RCAN1: variants seen among roughly 807,000 people sequenced by gnomAD.
The protein encoded by RCAN1 is regulator of calcineurin 1.
A neutral mutation model predicts 22.9 loss-of-function variants in RCAN1; 11 were observed. The ratio of observed to expected loss-of-function variants is 0.48; its 90% CI spans 0.30 to 0.79. The LOEUF is 0.79. RCAN1 is among the 30% of genes least tolerant of loss of function. The probability of loss-of-function intolerance (pLI) is 0.06; values close to 1 mark genes in which losing one functional copy is unlikely to be tolerated. For synonymous variants in RCAN1, 136 were observed against 142.3 expected (o/e 0.96, Z 0.32); for missense variants, 291 against 337.8 (o/e 0.86, Z 1.09).
At chr21:34,521,982 T>C (rs145451213) in intron 2 of RCAN1, 215 of 255,416 alleles carry the variant, frequency 8.4e-4, no homozygotes, top group African/African-American at 4.8e-3. Flanking sequence ...TAAGTCACTG[T>C]CATTGAGGTC....
At chr21:34,605,472 A>C (rs1309247154) in intron 1 of RCAN1, among the ~76,000 whole-genome samples, 1 of 152,228 alleles carries the variant, frequency 6.6e-6, no homozygotes, top group East Asian at 1.9e-4. Flanking sequence ...ACCCTAATAT[A>C]ATATAAATAC....
At chr21:34,581,555 C>T (rs1987609306) in intron 1 of RCAN1, among the ~76,000 whole-genome samples, 1 of 152,110 alleles carries the variant, frequency 6.6e-6, no homozygotes, top group Non-Finnish European at 1.5e-5. Flanking sequence ...CAGAATAAAT[C>T]CCCTGCTCCA....
intron 1 of RCAN1, among the ~76,000 whole-genome samples, chr21:34,593,220 T>C (rs1988029193): frequency 1.3e-5 from 2 of 152,188 alleles, no homozygotes; most frequent in Non-Finnish European, 2.9e-5. Flanking sequence ...AGGGGAACAC[T>C]ATAGTGAAGC....
intron 1 of RCAN1, among the ~76,000 whole-genome samples, chr21:34,551,369 C>T (rs1986359908): frequency 6.6e-6 from 1 of 152,204 alleles, no homozygotes. Flanking sequence ...CCCTGAATCA[C>T]ATTTCCTAAA....
rs66502672 is a variant in RCAN1 at position 34,528,955 on chromosome 21, G to GA, written c.253-5246dup. ...CAATTTTGATTTCGTTATATGGATG[G>GA]AAAAAAAAAAAAAGAACGGTGAGGT... On this transcript the variant is annotated intron_variant, in intron 1 of 3. Coordinates refer to ENST00000313806, the MANE Select transcript of RCAN1 (RefSeq NM_004414.7). Among the ~76,000 whole-genome samples, 522 of 144,996 alleles carry GA rather than the reference G, an allele frequency of 3.6e-3. 4 individuals are homozygous for GA. The highest frequency in any genetic ancestry group is 0.011 in the African/African-American group (420 of 39,714).
chr21:34,596,151 G>A (rs1350633883), intron 1 of RCAN1, among the ~76,000 whole-genome samples: 1 of 152,176 alleles, frequency 6.6e-6, no homozygotes, highest in African/African-American at 2.4e-5. Context: ...TCCTACAAGT[G>A]GGCAAACTGA....
chr21:34,531,519 G>C (rs993792784), intron 1 of RCAN1, among the ~76,000 whole-genome samples: 2 of 152,110 alleles, frequency 1.3e-5, no homozygotes, highest in Non-Finnish European at 2.9e-5. Flanking sequence ...TTCCCAACTG[G>C]CCTCGCTTGG....
intron 1 of RCAN1, among the ~76,000 whole-genome samples, chr21:34,532,936 C>T (rs1365246980): frequency 6.6e-6 from 1 of 151,218 alleles, no homozygotes; most frequent in African/African-American, 2.4e-5. Context: ...TTTGATAATA[C>T]AGTCATATGA....
At chr21:34,610,003 T>C (rs1988640798) in intron 1 of RCAN1, among the ~76,000 whole-genome samples, 1 of 152,216 alleles carries the variant, frequency 6.6e-6, no homozygotes, top group Non-Finnish European at 1.5e-5. Flanking sequence ...TTATTCAGAA[T>C]TTAAATCTGA....
intron 1 of RCAN1, among the ~76,000 whole-genome samples, chr21:34,542,409 G>A (rs936337154): frequency 4.8e-5 from 4 of 82,812 alleles, no homozygotes; most frequent in African/African-American, 2.1e-4. Flanking sequence ...ATGCTTTCAG[G>A]AAGCCCAAGC....
chr21:34,543,879 A>T (rs1039525471), intron 1 of RCAN1, among the ~76,000 whole-genome samples: 3 of 152,248 alleles, frequency 2.0e-5, no homozygotes, highest in Non-Finnish European at 2.9e-5. Flanking sequence ...AGATGACCAC[A>T]GTGGCACTGA....
At position 34,523,695 on chromosome 21, in the gene RCAN1, G is replaced by T; in HGVS notation, c.268C>A (p.Leu90Ile). The change falls in exon 2 of 4, where the codon CTC becomes ATC. Residue 90 changes from leucine (L) to isoleucine (I), a missense_variant. Transcript: ENST00000313806. Reference protein sequence around the residue: ...DGLCRAKFESLFRTYDKDITF... With the variant: ...DGLCRAKFESIFRTYDKDITF... ...ATGTCCTTGTCATACGTCCTAAAGAGGGACTCAAATTTGGCCTGAAAAATA... is the reference window on the plus strand; with the variant it reads ...ATGTCCTTGTCATACGTCCTAAAGATGGACTCAAATTTGGCCTGAAAAATA... 2 of 1,612,106 alleles carry T rather than the reference G, an allele frequency of 1.2e-6. No homozygotes were observed. Among genetic ancestry groups the T allele is most frequent in the Non-Finnish European group, 1.7e-6 (2 of 1,179,408 alleles).
intron 1 of RCAN1, chr21:34,523,919 G>T (rs1386040327): frequency 5.1e-6 from 2 of 392,082 alleles, no homozygotes; most frequent in Non-Finnish European, 9.3e-6. Context: ...AGTAGCTGGG[G>T]TTACAGGTGC....
At chr21:34,582,884 T>A (rs1378787113) in intron 1 of RCAN1, among the ~76,000 whole-genome samples, 1 of 152,156 alleles carries the variant, frequency 6.6e-6, no homozygotes, top group Admixed American at 6.5e-5. Flanking sequence ...GAACATCATC[T>A]GAAGAGGCAC....
At chr21:34,558,625 A>C (rs1986675074) in intron 1 of RCAN1, among the ~76,000 whole-genome samples, 1 of 140,460 alleles carries the variant, frequency 7.1e-6, no homozygotes, top group Non-Finnish European at 1.5e-5. Context: ...GGCCATCTCA[A>C]ACAACTTAAC....
At chr21:34,532,978 T>TA (rs1985475204) in intron 1 of RCAN1, among the ~76,000 whole-genome samples, 1 of 141,416 alleles carries the variant, frequency 7.1e-6, no homozygotes, top group Non-Finnish European at 1.5e-5. Flanking sequence ...TTTTTTTTTT[T>TA]GAGACGGAGT....
intron 1 of RCAN1, among the ~76,000 whole-genome samples, chr21:34,536,457 G>A (rs1210137034): frequency 6.6e-6 from 1 of 152,224 alleles, no homozygotes; most frequent in Non-Finnish European, 1.5e-5. Flanking sequence ...TGTCTGGTTA[G>A]CCCTCATCCC....
At chr21:34,527,170 C>G (rs546846307) in intron 1 of RCAN1, among the ~76,000 whole-genome samples, 1 of 152,074 alleles carries the variant, frequency 6.6e-6, no homozygotes, top group East Asian at 1.9e-4. Context: ...CCGAATGGGA[C>G]GACCCTTCTT....
intron 1 of RCAN1, among the ~76,000 whole-genome samples, chr21:34,552,536 T>C (rs1401715182): frequency 6.6e-6 from 1 of 152,094 alleles, no homozygotes; most frequent in Non-Finnish European, 1.5e-5. Context: ...GTTTACGAGA[T>C]TTTTTCCAGA....
Sources: allele counts gnomAD v4.1 joint callset (sites outside exome capture counted in the v4.1 genomes callset), GRCh38; gene constraint gnomAD v4.1.1; transcripts MANE v1.5; gene names NCBI Gene and HGNC (gene_info 2026-07-23, HGNC 2026-07-21).